Variants in NDST4 observed in about 807,000 individuals in gnomAD.
The protein encoded by NDST4 is N-deacetylase and N-sulfotransferase 4.
In NDST4, 63 loss-of-function variants were observed where a neutral mutation model predicts 100.8. The observed-to-expected ratio is 0.62, with a 90% confidence interval of 0.51 to 0.77. The LOEUF is 0.77. Ranked by LOEUF, NDST4 falls within the 30% of genes least tolerant of loss-of-function variation. The pLI, the probability that NDST4 is intolerant of heterozygous loss-of-function variation, is 0.00. For missense variants in NDST4, 943 were observed against 1,018.4 expected, an observed-to-expected ratio of 0.93 and a Z score of 1.01; for synonymous variants, 377 against 361.8, an observed-to-expected ratio of 1.04 and a Z score of -0.48.
intron 2 of NDST4, among the ~76,000 whole-genome samples, chr4:115,018,475 CT>C (rs1320022417): frequency 1.3e-5 from 2 of 151,826 alleles, no homozygotes; most frequent in African/African-American, 4.8e-5. Flanking sequence ...AATCTTACCT[CT>C]ATTATATTGA....
intron 2 of NDST4, among the ~76,000 whole-genome samples, chr4:114,984,179 TA>T (rs1726847264): frequency 6.7e-6 from 1 of 148,362 alleles, no homozygotes; most frequent in Non-Finnish European, 1.5e-5. Context: ...TTTATTTATT[TA>T]TTTATTGAGA....
chr4:114,895,821 T>TA (rs546560211), intron 6 of NDST4, among the ~76,000 whole-genome samples: 29 of 147,290 alleles, frequency 2.0e-4, no homozygotes, highest in African/African-American at 4.7e-4. Context: ...AAAATATAAT[T>TA]AAAAAAAAAA....
At chr4:115,000,112 T>A (rs1375557584) in intron 2 of NDST4, among the ~76,000 whole-genome samples, 2 of 151,704 alleles carry the variant, frequency 1.3e-5, no homozygotes, top group Non-Finnish European at 2.9e-5. Flanking sequence ...TGTTTTGAAA[T>A]GTTAACTTGC....
chr4:114,944,267 T>A (rs1158962477), intron 4 of NDST4, among the ~76,000 whole-genome samples: 1 of 152,156 alleles, frequency 6.6e-6, no homozygotes, highest in African/African-American at 2.4e-5. Flanking sequence ...GAAGTGGATA[T>A]TTATTCTATT....
At chr4:114,962,824 G>A (rs772987030) in intron 4 of NDST4, among the ~76,000 whole-genome samples, 10 of 151,928 alleles carry the variant, frequency 6.6e-5, no homozygotes, top group Non-Finnish European at 1.5e-4. Context: ...AAATTCATAT[G>A]GAAATTCAAA....
chr4:114,918,429 T>G, intron 6 of NDST4, among the ~76,000 whole-genome samples: 1 of 147,096 alleles, frequency 6.8e-6, no homozygotes, highest in African/African-American at 2.5e-5. Context: ...CATTGGGAGA[T>G]ATACCTAATG....
At chr4:115,031,484 C>A (rs115666062) in intron 2 of NDST4, among the ~76,000 whole-genome samples, 1 of 152,054 alleles carries the variant, frequency 6.6e-6, no homozygotes, top group Admixed American at 6.6e-5. Flanking sequence ...TACTGCCTGA[C>A]CAACCTCATC....
At chr4:114,828,973 C>T (rs1212460701) in intron 13 of NDST4, among the ~76,000 whole-genome samples, 1 of 151,930 alleles carries the variant, frequency 6.6e-6, no homozygotes, top group Non-Finnish European at 1.5e-5. Flanking sequence ...CTTCACATTT[C>T]GGATAAGATG....
chr4:115,021,542 A>C (rs1173933973), intron 2 of NDST4, among the ~76,000 whole-genome samples: 8 of 75,318 alleles, frequency 1.1e-4, no homozygotes, highest in Admixed American at 1.5e-4. Context: ...CGTTCCACAT[A>C]TACACATTCC....
chr4:114,907,328 A>C (rs1158012075), intron 6 of NDST4, among the ~76,000 whole-genome samples: 1 of 152,092 alleles, frequency 6.6e-6, no homozygotes, highest in Non-Finnish European at 1.5e-5. Flanking sequence ...CATTTACTAA[A>C]TGTCTAGCTG....
intron 2 of NDST4, among the ~76,000 whole-genome samples, chr4:115,011,419 T>C (rs1727542486): frequency 6.6e-6 from 1 of 151,948 alleles, no homozygotes; most frequent in Non-Finnish European, 1.5e-5. Context: ...CCATCAAACT[T>C]TCTACTTTTA....
At chr4:115,058,310 C>T (rs1728745493) in intron 2 of NDST4, among the ~76,000 whole-genome samples, 1 of 152,028 alleles carries the variant, frequency 6.6e-6, no homozygotes, top group Admixed American at 6.6e-5. Flanking sequence ...AGTGTATATC[C>T]TTGTACTTGT....
At chr4:115,030,093 C>T (rs1455806666) in intron 2 of NDST4, among the ~76,000 whole-genome samples, 3 of 151,950 alleles carry the variant, frequency 2.0e-5, no homozygotes, top group Non-Finnish European at 2.9e-5. Flanking sequence ...AGGAAGATTC[C>T]TGTGTGAGAA....
chr4:114,986,832 A>ATATATTTTTTTTTT, intron 2 of NDST4, among the ~76,000 whole-genome samples: 12 of 94,650 alleles, frequency 1.3e-4, no homozygotes, highest in South Asian at 8.6e-4. Context: ...ATATATATAT[A>ATATATTTTTTTTTT]TTTTAATATA....
chr4:115,095,147 T>TC (rs1266313234), intron 1 of NDST4, among the ~76,000 whole-genome samples: 4 of 151,990 alleles, frequency 2.6e-5, no homozygotes, highest in Non-Finnish European at 4.4e-5. Context: ...CCTCAGGTCT[T>TC]AACTCATCAA....
intron 4 of NDST4, among the ~76,000 whole-genome samples, chr4:114,947,027 G>A (rs1725881862): frequency 6.6e-6 from 1 of 151,802 alleles, no homozygotes; most frequent in Non-Finnish European, 1.5e-5. Context: ...CTGAGAGTAG[G>A]GATGAGATAA....
chr4:114,843,628 C>T lies in NDST4; in HGVS notation c.2115+2195G>A, dbSNP rs540759522. ...GGGCTCCACTTCCCTCCACATCTTT[C>T]GCTTTGCCTAATGGTTTGATTTTTT... On this transcript the variant is annotated intron_variant, in intron 10 of 13. Transcript: ENST00000264363. Among the ~76,000 whole-genome samples the T allele has an allele frequency of 2.3e-4, 35 of 152,202 alleles. 1 individual carries two copies. In the South Asian group the frequency reaches 3.5e-3, roughly 15 times the overall value.
intron 6 of NDST4, among the ~76,000 whole-genome samples, chr4:114,896,580 C>T (rs111600945): frequency 0.16 from 23,697 of 149,714 alleles, 2,219 homozygotes; most frequent in African/African-American, 0.27. Flanking sequence ...GCCAAGATTG[C>T]GCCACTGCAC....
chr4:115,109,293 T>G (rs1729894712), intron 1 of NDST4, among the ~76,000 whole-genome samples: 1 of 151,916 alleles, frequency 6.6e-6, no homozygotes, highest in South Asian at 2.1e-4. Flanking sequence ...TAGTTGACGA[T>G]GCATTCCATT....
Sources: gnomAD v4.1 joint callset for allele counts (sites outside exome capture counted in the v4.1 genomes callset) on GRCh38, gnomAD v4.1.1 for gene constraint, MANE v1.5 for transcripts, NCBI Gene and HGNC (gene_info 2026-07-23, HGNC 2026-07-21) for gene names.